Variants in PKP2 observed in about 807,000 individuals in gnomAD.
The protein encoded by PKP2 is plakophilin-2.
In PKP2, 73 loss-of-function variants were observed where a neutral mutation model predicts 83.4. The ratio of observed to expected loss-of-function variants is 0.88; its 90% CI spans 0.72 to 1.06. The LOEUF is 1.06. Among genes scored for constraint, PKP2 ranks in the 50% least tolerant of loss-of-function variants. The pLI, the probability that PKP2 is intolerant of heterozygous loss-of-function variation, is 0.00. For synonymous variants in PKP2, 409 were observed against 430.4 expected (o/e 0.95, Z 0.62); for missense variants, 966 against 1,065.4 (o/e 0.91, Z 1.30).
chr12:32,847,411 T>G (rs1272664752), intron 5 of PKP2, among the ~76,000 whole-genome samples: 5 of 152,202 alleles, frequency 3.3e-5, no homozygotes, highest in African/African-American at 9.6e-5. Context: ...CTATAGATGA[T>G]CTAATGATGC....
intron 3 of PKP2, among the ~76,000 whole-genome samples, chr12:32,873,406 G>C (rs1421205519): frequency 6.7e-6 from 1 of 148,916 alleles, no homozygotes; most frequent in African/African-American, 2.4e-5. Context: ...CCCTGCTCTT[G>C]TGTTCTTTAA....
chr12:32,880,785 C>CT (rs1163898271), intron 1 of PKP2, among the ~76,000 whole-genome samples: 2 of 44,518 alleles, frequency 4.5e-5, no homozygotes, highest in Non-Finnish European at 1.2e-4. Flanking sequence ...CTTCTCTCAG[C>CT]TTTTTTTGAG....
chr12:32,851,975 C>A (rs1956700458), intron 4 of PKP2, among the ~76,000 whole-genome samples: 1 of 152,114 alleles, frequency 6.6e-6, no homozygotes, highest in African/African-American at 2.4e-5. Flanking sequence ...TAAGAAGGGG[C>A]CAAATAATCC....
intron 9 of PKP2, among the ~76,000 whole-genome samples, chr12:32,819,285 AT>A (rs1337962826): frequency 3.2e-5 from 1 of 31,356 alleles, no homozygotes; most frequent in African/African-American, 1.1e-4. Context: ...CTCAAAATAA[AT>A]ACAATACAAT....
chr12:32,806,047 T>A (rs1336384674), intron 9 of PKP2, among the ~76,000 whole-genome samples: 1 of 152,258 alleles, frequency 6.6e-6, no homozygotes, highest in East Asian at 1.9e-4. Flanking sequence ...CAACCTTGCA[T>A]CCTGGGGATG....
intron 4 of PKP2, among the ~76,000 whole-genome samples, chr12:32,860,680 A>G (rs1956790104): frequency 6.6e-6 from 1 of 152,172 alleles, no homozygotes; most frequent in African/African-American, 2.4e-5. Flanking sequence ...GTATACCTAT[A>G]TAACAAATGC....
intron 5 of PKP2, among the ~76,000 whole-genome samples, chr12:32,846,511 G>A (rs1956645761): frequency 6.6e-6 from 1 of 152,160 alleles, no homozygotes; most frequent in Non-Finnish European, 1.5e-5. Flanking sequence ...TTGGGAGGCT[G>A]AGGCCGGCAG....
intron 6 of PKP2, among the ~76,000 whole-genome samples, chr12:32,827,982 C>T (rs765131274): frequency 3.3e-5 from 5 of 152,150 alleles, no homozygotes; most frequent in Non-Finnish European, 7.3e-5. Flanking sequence ...GGCAAGGGGC[C>T]AGGGCCTTAG....
chr12:32,865,998 C>A (rs1455565723), intron 4 of PKP2, among the ~76,000 whole-genome samples: 4 of 151,846 alleles, frequency 2.6e-5, no homozygotes, highest in African/African-American at 9.7e-5. Context: ...CTTGGATACA[C>A]ATGAAAAGCA....
At chr12:32,812,160 A>G (rs1324869856) in intron 9 of PKP2, among the ~76,000 whole-genome samples, 1 of 130,042 alleles carries the variant, frequency 7.7e-6, no homozygotes, top group Non-Finnish European at 1.6e-5. Flanking sequence ...TAAACTGTGT[A>G]TTGTGTGCCT....
chr12:32,871,356 TGTG>T (rs1956894948), intron 3 of PKP2, among the ~76,000 whole-genome samples: 1 of 152,152 alleles, frequency 6.6e-6, no homozygotes, highest in Admixed American at 6.6e-5. Context: ...AGTGCAGTGA[TGTG>T]ATCATAGCTC....
At chr12:32,847,190 A>G (rs1442321842) in intron 5 of PKP2, among the ~76,000 whole-genome samples, 1 of 152,184 alleles carries the variant, frequency 6.6e-6, no homozygotes, top group African/African-American at 2.4e-5. Context: ...AAACATGTCT[A>G]TATTAGGTTA....
intron 10 of PKP2, among the ~76,000 whole-genome samples, chr12:32,799,082 C>T (rs1956156098): frequency 6.6e-6 from 1 of 152,062 alleles, no homozygotes. Context: ...CCAAATAATT[C>T]CATCAAAAAG....
At chr12:32,858,103 A>ATATATATATATT (rs1555146108) in intron 4 of PKP2, among the ~76,000 whole-genome samples, 19 of 94,578 alleles carry the variant, frequency 2.0e-4, no homozygotes, top group African/African-American at 8.9e-4. Context: ...ATATATATAT[A>ATATATATATATT]TATATATATA....
intron 9 of PKP2, among the ~76,000 whole-genome samples, chr12:32,810,538 C>T (rs1338553995): frequency 6.6e-6 from 1 of 152,184 alleles, no homozygotes; most frequent in Non-Finnish European, 1.5e-5. Flanking sequence ...CACACCCACA[C>T]CTCTGCACAC....
chr12:32,846,178 G>A (rs1021238934), intron 5 of PKP2, among the ~76,000 whole-genome samples: 2 of 152,078 alleles, frequency 1.3e-5, no homozygotes, highest in East Asian at 1.9e-4. Flanking sequence ...TGACTTGTCC[G>A]TTTTAATCCA....
At chr12:32,838,920 T>A (rs1015351878) in intron 6 of PKP2, among the ~76,000 whole-genome samples, 2 of 152,244 alleles carry the variant, frequency 1.3e-5, no homozygotes, top group African/African-American at 2.4e-5. Flanking sequence ...ATAGAACATT[T>A]ATGAACATTA....
intron 10 of PKP2, among the ~76,000 whole-genome samples, chr12:32,797,469 A>G (rs1006805639): frequency 2.1e-5 from 3 of 146,298 alleles, no homozygotes; most frequent in Admixed American, 2.0e-4. Context: ...AAAAGAATAC[A>G]TACTATTACC....
At chr12:32,819,441 T>C (rs1351252248) in intron 9 of PKP2, among the ~76,000 whole-genome samples, 3 of 152,164 alleles carry the variant, frequency 2.0e-5, no homozygotes, top group Non-Finnish European at 4.4e-5. Context: ...TGAATCAGTA[T>C]CAGTTTAGTG....
Sources: gnomAD v4.1 joint callset for allele counts (sites outside exome capture counted in the v4.1 genomes callset) on GRCh38, gnomAD v4.1.1 for gene constraint, MANE v1.5 for transcripts, NCBI Gene and HGNC (gene_info 2026-07-23, HGNC 2026-07-21) for gene names.